Variants in SLC25A21 observed in about 807,000 individuals in gnomAD.
SLC25A21 encodes the protein mitochondrial 2-oxodicarboxylate carrier.
SLC25A21 carries 47 observed loss-of-function variants against 43.8 expected under a neutral mutation model. The ratio of observed to expected loss-of-function variants is 1.07; its 90% CI spans 0.85 to 1.37. The LOEUF (loss-of-function observed/expected upper bound fraction) is 1.37, where lower values mean the gene tolerates loss of function less well. Ranked by LOEUF, SLC25A21 falls within the 40% of genes most tolerant of loss-of-function variation. SLC25A21 has a pLI of 0.00. For synonymous variants in SLC25A21, 131 were observed against 121.3 expected (o/e 1.08, Z -0.52); for missense variants, 352 against 350.2 (o/e 1.00, Z -0.04).
chr14:37,052,591 C>CA (rs1214205894), intron 1 of SLC25A21, among the ~76,000 whole-genome samples: 6 of 152,084 alleles, frequency 3.9e-5, no homozygotes, highest in Non-Finnish European at 8.8e-5. Flanking sequence ...AACCAATCAG[C>CA]AAAATAATTA....
At chr14:36,933,667 G>T (rs1043176378) in intron 1 of SLC25A21, among the ~76,000 whole-genome samples, 4 of 152,058 alleles carry the variant, frequency 2.6e-5, no homozygotes, top group African/African-American at 9.7e-5. Flanking sequence ...CTCCACATCA[G>T]AACTCTCTCT....
chr14:36,681,244 T>C (rs900028456), intron 9 of SLC25A21, among the ~76,000 whole-genome samples: 2 of 152,208 alleles, frequency 1.3e-5, no homozygotes, highest in Non-Finnish European at 2.9e-5. Flanking sequence ...AAAATCTGCA[T>C]TGCAAAACCT....
chr14:37,085,456 AG>A (rs1482411572), intron 1 of SLC25A21, among the ~76,000 whole-genome samples: 3 of 152,218 alleles, frequency 2.0e-5, no homozygotes, highest in Non-Finnish European at 4.4e-5. Context: ...TTCACATAAA[AG>A]TTTATATAAT....
intron 2 of SLC25A21, among the ~76,000 whole-genome samples, chr14:36,821,369 C>CT (rs1888627453): frequency 1.4e-5 from 2 of 147,670 alleles, no homozygotes; most frequent in Non-Finnish European, 3.0e-5. Flanking sequence ...TTAGCAAGTA[C>CT]TGGGCAGGGT....
intron 1 of SLC25A21, among the ~76,000 whole-genome samples, chr14:37,063,723 T>C (rs1445657656): frequency 6.6e-6 from 1 of 152,094 alleles, no homozygotes; most frequent in Admixed American, 6.5e-5. Flanking sequence ...GCAGGCCTCC[T>C]GGAAGAAAAA....
At chr14:36,961,742 CT>C (rs1480830866) in intron 1 of SLC25A21, among the ~76,000 whole-genome samples, 2 of 152,134 alleles carry the variant, frequency 1.3e-5, no homozygotes, top group African/African-American at 4.8e-5. Context: ...AGTTATGAAA[CT>C]CTTCAAGTGT....
intron 1 of SLC25A21, among the ~76,000 whole-genome samples, chr14:37,045,626 G>A (rs1471821821): frequency 1.3e-5 from 2 of 152,200 alleles, no homozygotes; most frequent in East Asian, 3.9e-4. Flanking sequence ...AAGAACTCAT[G>A]TTTGTTTGTG....
intron 7 of SLC25A21, among the ~76,000 whole-genome samples, chr14:36,699,269 A>G (rs1359470688): frequency 2.0e-5 from 3 of 152,144 alleles, no homozygotes; most frequent in Admixed American, 6.6e-5. Context: ...GCTGAAGAAC[A>G]GCAAATATTG....
At chr14:36,762,228 A>T (rs1027868895) in intron 3 of SLC25A21, among the ~76,000 whole-genome samples, 2 of 152,206 alleles carry the variant, frequency 1.3e-5, no homozygotes, top group Admixed American at 1.3e-4. Flanking sequence ...TTCCTATTGG[A>T]TGCTTACTAT....
chr14:36,784,582 A>G, intron 3 of SLC25A21, among the ~76,000 whole-genome samples: 1 of 152,224 alleles, frequency 6.6e-6, no homozygotes, highest in Non-Finnish European at 1.5e-5. Flanking sequence ...CAGTAACCTT[A>G]GGTGTCCCTA....
chr14:36,882,751 T>C (rs1890773228), intron 1 of SLC25A21, among the ~76,000 whole-genome samples: 1 of 151,606 alleles, frequency 6.6e-6, no homozygotes, highest in African/African-American at 2.4e-5. Context: ...AAATATCTGA[T>C]TGCCTGTTTG....
At position 37,024,032 on chromosome 14, in the gene SLC25A21, G is replaced by C. The variant is rs147889639; in HGVS notation, c.70+148249C>G. Among the ~76,000 whole-genome samples the C allele has an allele frequency of 1.9e-3, 284 of 152,194 alleles. 2 individuals are homozygous for C. Among genetic ancestry groups the C allele is most frequent in the Admixed American group, 3.5e-3 (53 of 15,258 alleles). The stretch of plus-strand genomic sequence containing the variant: ...GTAATTCAGGACATGTTAATTACTG[G>C]CTAAGGCCAGGCCTCAACAGAGGAC... On this transcript the variant is annotated intron_variant, in intron 1 of 9. Transcript: ENST00000331299.
intron 2 of SLC25A21, among the ~76,000 whole-genome samples, chr14:36,842,436 G>A (rs1889412699): frequency 6.6e-6 from 1 of 152,140 alleles, no homozygotes; most frequent in Non-Finnish European, 1.5e-5. Context: ...CCTGGAAGCT[G>A]GATGTATAGG....
intron 1 of SLC25A21, among the ~76,000 whole-genome samples, chr14:37,082,829 A>T (rs977917764): frequency 1.4e-4 from 22 of 152,086 alleles, no homozygotes; most frequent in African/African-American, 4.8e-4. Flanking sequence ...GGATTTTTTT[A>T]AAGTGTTTCT....
intron 1 of SLC25A21, among the ~76,000 whole-genome samples, chr14:36,994,220 GAGA>G (rs1356107812): frequency 6.6e-6 from 1 of 152,130 alleles, no homozygotes; most frequent in Non-Finnish European, 1.5e-5. Flanking sequence ...ACAATATGGA[GAGA>G]AGTCTAGAAA....
chr14:37,001,490 C>T (rs181334751), intron 1 of SLC25A21, among the ~76,000 whole-genome samples: 37 of 152,290 alleles, frequency 2.4e-4, no homozygotes, highest in Admixed American at 1.6e-3. Context: ...CTTCATTCTG[C>T]TGTTATTGCT....
intron 1 of SLC25A21, among the ~76,000 whole-genome samples, chr14:37,111,658 A>G (rs1963021714): frequency 6.6e-6 from 1 of 152,234 alleles, no homozygotes; most frequent in Non-Finnish European, 1.5e-5. Flanking sequence ...TCTAAGGAGC[A>G]CCAAAATATG....
At chr14:36,778,511 T>C (rs1313056656) in intron 3 of SLC25A21, among the ~76,000 whole-genome samples, 1 of 152,194 alleles carries the variant, frequency 6.6e-6, no homozygotes, top group African/African-American at 2.4e-5. Context: ...TCTTAAAATA[T>C]TGAGCACTAC....
chr14:36,709,578 CAT>C (rs1277179252), intron 7 of SLC25A21, among the ~76,000 whole-genome samples: 2 of 152,142 alleles, frequency 1.3e-5, no homozygotes, highest in Non-Finnish European at 2.9e-5. Flanking sequence ...ACCAAAAAAA[CAT>C]AAGCTTCTAC....
Sources: gnomAD v4.1 joint callset for allele counts (sites outside exome capture counted in the v4.1 genomes callset) on GRCh38, gnomAD v4.1.1 for gene constraint, MANE v1.5 for transcripts, NCBI Gene and HGNC (gene_info 2026-07-23, HGNC 2026-07-21) for gene names.